The following PTPRG variants were observed in gnomAD, a reference collection of about 807,000 sequenced individuals.
PTPRG encodes receptor-type tyrosine-protein phosphatase gamma.
PTPRG carries 102 observed loss-of-function variants against 165.3 expected under a neutral mutation model. The observed-to-expected ratio is 0.62, with a 90% confidence interval of 0.53 to 0.73. The LOEUF (loss-of-function observed/expected upper bound fraction) is 0.73, where lower values mean the gene tolerates loss of function less well. PTPRG is among the 30% of genes least tolerant of loss of function. PTPRG has a pLI of 0.00. For missense variants in PTPRG, 1,866 were observed against 1,861.4 expected (o/e 1.00, Z -0.05); for synonymous variants, 675 against 669.5 (o/e 1.01, Z -0.13).
chr3:61,888,219 GTGTC>G (rs886911190), intron 2 of PTPRG, among the ~76,000 whole-genome samples: 33 of 151,908 alleles, frequency 2.2e-4, no homozygotes, highest in East Asian at 9.8e-4. Flanking sequence ...GTGTGTGTGT[GTGTC>G]TGTCTGTCCG....
chr3:61,994,979 A>G (rs1291783681), intron 3 of PTPRG, among the ~76,000 whole-genome samples: 1 of 151,152 alleles, frequency 6.6e-6, no homozygotes, highest in Non-Finnish European at 1.5e-5. Context: ...AGGTCAGTGG[A>G]GACAAGGATG....
intron 2 of PTPRG, among the ~76,000 whole-genome samples, chr3:61,766,828 C>T (rs2034033016): frequency 6.6e-6 from 1 of 151,804 alleles, no homozygotes; most frequent in Admixed American, 6.6e-5. Context: ...CCATGTTGGC[C>T]AGGCTGGTCT....
At chr3:61,959,016 A>G (rs1215378468) in intron 2 of PTPRG, among the ~76,000 whole-genome samples, 3 of 152,134 alleles carry the variant, frequency 2.0e-5, no homozygotes, top group African/African-American at 2.4e-5. Context: ...CGCACTCACT[A>G]TCTTTCTGTC....
intron 2 of PTPRG, among the ~76,000 whole-genome samples, chr3:61,907,161 A>G (rs2038677605): frequency 1.3e-5 from 2 of 151,726 alleles, no homozygotes; most frequent in Admixed American, 6.6e-5. Flanking sequence ...TTTTATATAA[A>G]TGGTGTCATA....
chr3:61,885,339 C>T (rs1260082571), intron 2 of PTPRG, among the ~76,000 whole-genome samples: 1 of 151,886 alleles, frequency 6.6e-6, no homozygotes, highest in Non-Finnish European at 1.5e-5. Context: ...GGAAAATATG[C>T]TGAAGATTAC....
In PTPRG at chr3:61,692,424, G is replaced by T. The variant is rs116187259; in HGVS notation, c.86-56454G>T. Among the ~76,000 whole-genome samples, 1,339 of 152,308 alleles carry T rather than the reference G, an allele frequency of 8.8e-3. 15 individuals are homozygous for T. Among genetic ancestry groups the T allele is most frequent in the Non-Finnish European group, 0.014 (969 of 68,014 alleles). On this transcript the variant is annotated intron_variant, in intron 1 of 29. Coordinates refer to ENST00000474889, the MANE Select transcript of PTPRG (RefSeq NM_002841.4). ...TAAGTTACAGGTTGTGGCACATGTTGTTTGGTAGATATTAGCTGCTATTAC... is the reference window on the plus strand; with the variant it reads ...TAAGTTACAGGTTGTGGCACATGTTTTTTGGTAGATATTAGCTGCTATTAC...
Position 61,921,696 on chromosome 3 carries a change from A to G in PTPRG, c.191-67929A>G, listed in dbSNP as rs188727372. On this transcript the variant is annotated intron_variant, in intron 2 of 29. Coordinates refer to ENST00000474889, the MANE Select transcript of PTPRG (RefSeq NM_002841.4). ...CTTGGCTCTCACATTTAGACTCAAG[A>G]TTTCTAAGATATCTCATTATTTATT... 3.8e-4 allele frequency among the ~76,000 whole-genome samples: 58 copies of G among 152,288 alleles called. No homozygotes were observed. The East Asian group carries it at 0.011, about 29-fold the overall frequency.
intron 5 of PTPRG, among the ~76,000 whole-genome samples, chr3:62,121,620 C>T (rs1310983570): frequency 6.6e-6 from 1 of 152,162 alleles, no homozygotes; most frequent in Admixed American, 6.5e-5. Context: ...TATGGAGTTA[C>T]TTATTCCCAG....
intron 8 of PTPRG, 77 bp downstream of exon 8, chr3:62,168,240 C>G (rs1191307484): frequency 7.2e-7 from 1 of 1,381,024 alleles, no homozygotes; most frequent in East Asian, 2.4e-5. Context: ...GAATTCAAAG[C>G]CAGCCAGGAA....
intron 1 of PTPRG, among the ~76,000 whole-genome samples, chr3:61,731,349 CTTTTT>C (rs543374959): frequency 7.6e-6 from 1 of 132,192 alleles, no homozygotes. Flanking sequence ...TTCCTTTTTC[CTTTTT>C]TTTTTTTTTT....
In PTPRG at chr3:62,281,575, T is replaced by C; in HGVS notation, c.3778T>C (p.Phe1260Leu). The change falls in exon 27 of 30, where the codon TTT becomes CTT. Residue 1260 changes from phenylalanine (F) to leucine (L), a missense_variant. Phe to Leu is a conservative substitution (Grantham distance 22, BLOSUM62 0). Coordinates refer to ENST00000474889, the MANE Select transcript of PTPRG (RefSeq NM_002841.4). ...PDNQSLAEDE[F>L]VYWPSREESM... ...TTGGATTCCAAAGGCAGAAGATGAGTTTGTGTACTGGCCAAGTCGAGAAGA... is the reference window on the plus strand; with the variant it reads ...TTGGATTCCAAAGGCAGAAGATGAGCTTGTGTACTGGCCAAGTCGAGAAGA... The C allele has an allele frequency of 7.0e-7, 1 of 1,430,166 alleles. No homozygotes were observed. Among genetic ancestry groups the C allele is most frequent in the Non-Finnish European group, 9.5e-7 (1 of 1,050,684 alleles). The allele number at this position is 1,430,166 out of a possible 1,614,324, so 88.6% of individuals were successfully genotyped here. A position where few individuals can be genotyped will look rare whatever the true frequency, so the allele number is the denominator to read the frequency against.
At chr3:61,831,630 C>T (rs2107295261) in intron 2 of PTPRG, among the ~76,000 whole-genome samples, 1 of 152,230 alleles carries the variant, frequency 6.6e-6, no homozygotes, top group South Asian at 2.1e-4. Flanking sequence ...ATTCTATCTA[C>T]AATTGTTTCT....
At chr3:61,871,045 T>A (rs1286248408) in intron 2 of PTPRG, among the ~76,000 whole-genome samples, 1 of 152,096 alleles carries the variant, frequency 6.6e-6, no homozygotes. Flanking sequence ...TTTTCTAGAA[T>A]GAAGGGGCAA....
chr3:61,600,182 A>ATGTGTGTGTGTGTGTGTGTGTG (rs1559518876), intron 1 of PTPRG, among the ~76,000 whole-genome samples: 1 of 97,084 alleles, frequency 1.0e-5, no homozygotes, highest in African/African-American at 3.6e-5. Context: ...AAATATATAT[A>ATGTGTGTGTGTGTGTGTGTGTG]TATATATATA....
Position 62,233,178 on chromosome 3 carries a change from C to T in PTPRG, c.2375+1867C>T, listed in dbSNP as rs1576163274. On this transcript the variant is annotated intron_variant, in intron 14 of 29. Transcript: ENST00000474889. The surrounding 1 kb of genome is among the most constrained non-coding windows in gnomAD (Gnocchi z 4.7). The stretch of plus-strand genomic sequence containing the variant: ...TTGCCTTGGGACTCCACTGCAGCGG[C>T]GTGAATCCTGAGCAGTACCCCCTCT... Among the ~76,000 whole-genome samples the T allele has an allele frequency of 1.3e-5, 2 of 152,280 alleles. No homozygotes were observed. Among genetic ancestry groups the T allele is most frequent in the Admixed American group, 1.3e-4 (2 of 15,304 alleles).
intron 4 of PTPRG, among the ~76,000 whole-genome samples, chr3:62,026,834 C>T (rs1017854297): frequency 3.5e-5 from 5 of 142,802 alleles, no homozygotes; most frequent in Non-Finnish European, 4.5e-5. Context: ...TGCAGTAAGC[C>T]GAGATTGCAC....
At chr3:61,675,187 T>G (rs1265259266) in intron 1 of PTPRG, among the ~76,000 whole-genome samples, 1 of 152,238 alleles carries the variant, frequency 6.6e-6, no homozygotes, top group East Asian at 1.9e-4. Flanking sequence ...GCAAATGATA[T>G]TTCCATATAT....
chr3:61,674,884 C>T (rs1319046178), intron 1 of PTPRG, among the ~76,000 whole-genome samples: 2 of 152,122 alleles, frequency 1.3e-5, no homozygotes, highest in Non-Finnish European at 2.9e-5. Flanking sequence ...CAAGAAATTT[C>T]CTAGTGCATT....
chr3:62,056,477 C>A (rs548193025), intron 4 of PTPRG, among the ~76,000 whole-genome samples: 1 of 152,218 alleles, frequency 6.6e-6, no homozygotes, highest in South Asian at 2.1e-4. Context: ...CAAGACAATT[C>A]TTCTTCCATT....
Sources: gnomAD v4.1 joint callset for allele counts (sites outside exome capture counted in the v4.1 genomes callset) on GRCh38, gnomAD v4.1.1 for gene constraint, Gnocchi (gnomAD v3.1) non-coding constraint, MANE v1.5 for transcripts, NCBI Gene and HGNC (gene_info 2026-07-23, HGNC 2026-07-21) for gene names.